OPRD1: variants seen among roughly 807,000 people sequenced by gnomAD.
OPRD1 encodes the protein opioid receptor delta 1.
In OPRD1, 19 loss-of-function variants were observed where a neutral mutation model predicts 17.5. The ratio of observed to expected loss-of-function variants is 1.09; its 90% CI spans 0.76 to 1.60. The LOEUF (loss-of-function observed/expected upper bound fraction) is 1.60, where lower values mean the gene tolerates loss of function less well. Ranked by LOEUF, OPRD1 falls within the 40% of genes most tolerant of loss-of-function variation. The pLI is 0.00. For missense variants in OPRD1, 483 were observed against 547.2 expected (o/e 0.88, Z 1.17); for synonymous variants, 256 against 240.9 (o/e 1.06, Z -0.58).
At chr1:28,824,179 C>CCCAA (rs1169377469) in intron 1 of OPRD1, among the ~76,000 whole-genome samples, 10 of 82,328 alleles carry the variant, frequency 1.2e-4, no homozygotes, top group African/African-American at 3.7e-4. Flanking sequence ...AACCTATCTC[C>CCCAA]AAAAAAAAAA....
chr1:28,855,561 G>A (rs1396022946), intron 1 of OPRD1, among the ~76,000 whole-genome samples: 2 of 152,118 alleles, frequency 1.3e-5, no homozygotes, highest in Admixed American at 1.3e-4. Context: ...AGGGGAGAGA[G>A]GGGGGCCGTG....
rs2089152825 is a variant in OPRD1, at chr1:28,864,134, G to T, written c.*851G>T. ...AAATACAAAATTAGCCAGGCATGGT[G>T]GTGTGTACCTGCAGGCCTAGCTCCT... On this transcript the variant is annotated 3_prime_UTR_variant, in exon 3 of 3. Transcript: ENST00000234961. 6.6e-6 allele frequency: 1 copy of T among 152,292 alleles called. No homozygotes were observed. Among genetic ancestry groups the T allele is most frequent in the African/African-American group, 2.4e-5 (1 of 41,408 alleles). 9.4% of individuals were successfully genotyped at this position (152,292 alleles called of 1,614,324 possible).
At chr1:28,842,492 T>C (rs964079817) in intron 1 of OPRD1, among the ~76,000 whole-genome samples, 1 of 152,226 alleles carries the variant, frequency 6.6e-6, no homozygotes, top group Admixed American at 6.5e-5. Context: ...GAATGTGGCC[T>C]GGCTGTGCCA....
intron 1 of OPRD1, among the ~76,000 whole-genome samples, chr1:28,823,158 G>A (rs1006078195): frequency 1.3e-5 from 2 of 150,910 alleles, no homozygotes; most frequent in Admixed American, 1.3e-4. Flanking sequence ...GCCAGGAAGG[G>A]TGTGTGCAGA....
intron 1 of OPRD1, among the ~76,000 whole-genome samples, chr1:28,833,598 C>T (rs1183440314): frequency 1.3e-5 from 2 of 152,160 alleles, no homozygotes; most frequent in African/African-American, 2.4e-5. Context: ...ATACTAACCA[C>T]AGCTACAAAA....
At chr1:28,847,528 C>T (rs1273216125) in intron 1 of OPRD1, among the ~76,000 whole-genome samples, 1 of 152,068 alleles carries the variant, frequency 6.6e-6, no homozygotes, top group Non-Finnish European at 1.5e-5. Flanking sequence ...TCTCTGTGGA[C>T]ATGGATACTG....
At chr1:28,846,486 C>G (rs1372291669) in intron 1 of OPRD1, among the ~76,000 whole-genome samples, 3 of 151,916 alleles carry the variant, frequency 2.0e-5, no homozygotes, top group Non-Finnish European at 4.4e-5. Context: ...AGCTGGAGAC[C>G]AGCCTGGCCA....
chr1:28,826,251 G>C (rs2088767911), intron 1 of OPRD1, among the ~76,000 whole-genome samples: 1 of 152,140 alleles, frequency 6.6e-6, no homozygotes, highest in Admixed American at 6.6e-5. Context: ...AGCTGGGTGT[G>C]CTGACTCATG....
At chr1:28,831,846 T>G (rs867565588) in intron 1 of OPRD1, among the ~76,000 whole-genome samples, 6 of 152,200 alleles carry the variant, frequency 3.9e-5, no homozygotes, top group Non-Finnish European at 7.4e-5. Context: ...CTGACCTTTT[T>G]TGGATGCTGA....
chr1:28,830,312 C>T (rs1021246488), intron 1 of OPRD1, among the ~76,000 whole-genome samples: 2 of 151,732 alleles, frequency 1.3e-5, no homozygotes, highest in Admixed American at 6.6e-5. Flanking sequence ...CGCTTGAGCC[C>T]AGGAGTTCGA....
chr1:28,846,938 T>G (rs1285197037), intron 1 of OPRD1, among the ~76,000 whole-genome samples: 1 of 150,248 alleles, frequency 6.7e-6, no homozygotes, highest in Non-Finnish European at 1.5e-5. Context: ...TCTTCCTTCC[T>G]TCCTTCCTTT....
intron 2 of OPRD1, 68 bp downstream of exon 2, chr1:28,859,371 C>A: frequency 7.3e-7 from 1 of 1,371,856 alleles, no homozygotes. Flanking sequence ...CCTTTGTGGG[C>A]TTGCAGGGCA....
chr1:28,812,501 G>C lies in OPRD1; in HGVS notation c.118G>C (p.Ala40Pro). 1 of 1,562,874 alleles carries C rather than the reference G, an allele frequency of 6.4e-7. No homozygotes were observed. The highest frequency in any genetic ancestry group is 8.6e-7 in the Non-Finnish European group (1 of 1,163,160). The change falls in exon 1 of 3, where the codon GCG becomes CCG. Residue 40 changes from alanine (A) to proline (P), a missense_variant. By Grantham distance (27) the Ala-to-Pro change is conservative. Coordinates refer to ENST00000234961, the MANE Select transcript of OPRD1 (RefSeq NM_000911.4). Reference sequence around the variant, plus strand: ...CGCCAATGCGTCGGGGCCGCCAGGCGCGCGGAGCGCCTCGTCCCTCGCCCT... The same window carrying C: ...CGCCAATGCGTCGGGGCCGCCAGGCCCGCGGAGCGCCTCGTCCCTCGCCCT... ...AGANASGPPG[A>P]RSASSLALAI...
chr1:28,834,137 C>G (rs2088830255), intron 1 of OPRD1, among the ~76,000 whole-genome samples: 1 of 152,102 alleles, frequency 6.6e-6, no homozygotes. Context: ...GTATCGAACT[C>G]CTGACCTCAG....
At chr1:28,861,117 G>C (rs1462862370) in intron 2 of OPRD1, among the ~76,000 whole-genome samples, 1 of 152,156 alleles carries the variant, frequency 6.6e-6, no homozygotes, top group African/African-American at 2.4e-5. Context: ...GAAGGTCTTG[G>C]ATTCAGTTAC....
In OPRD1 at chr1:28,839,565, G is replaced by C. The variant is rs2088879198; in HGVS notation, c.228-19389G>C. Among the ~76,000 whole-genome samples, 3 of 152,212 alleles carry C rather than the reference G, an allele frequency of 2.0e-5. No homozygotes were observed. In the South Asian group the frequency reaches 6.2e-4, roughly 32 times the overall value. The stretch of plus-strand genomic sequence containing the variant: ...TAGGCTGGAGCCGTTTGTTCAGTTT[G>C]GTTCCTGAGGTACCACAGGGTCAGT... On this transcript the variant is annotated intron_variant, in intron 1 of 2. Transcript: ENST00000234961.
intron 1 of OPRD1, among the ~76,000 whole-genome samples, chr1:28,837,603 G>T (rs1203970493): frequency 1.3e-5 from 2 of 151,904 alleles, no homozygotes; most frequent in African/African-American, 4.8e-5. Context: ...AGCCAAGATC[G>T]TGCCACTGCA....
At chr1:28,842,849 T>C (rs1306454685) in intron 1 of OPRD1, among the ~76,000 whole-genome samples, 1 of 151,976 alleles carries the variant, frequency 6.6e-6, no homozygotes, top group African/African-American at 2.4e-5. Context: ...GGAGATCACT[T>C]GAGTCCAGGA....
rs797404 is a variant in OPRD1 at position 28,847,055 on chromosome 1, G to T, written c.228-11899G>T. Among the ~76,000 whole-genome samples, 204 of 133,132 alleles carry T rather than the reference G, an allele frequency of 1.5e-3. 3 individuals are homozygous for T. The highest frequency in any genetic ancestry group is 0.012 in the Middle Eastern group (3 of 242). The allele number at this position is 133,132 out of a possible 152,430, so 87.3% of individuals were successfully genotyped here. A position where few individuals can be genotyped will look rare whatever the true frequency, so the allele number is the denominator to read the frequency against. ...TGTCCCCTTTCCTTTCCCCTTTCCT[G>T]TCCCCTTTCCTTTCCGACGGAGTTT... is the stretch of plus-strand genomic sequence containing the variant. On this transcript the variant is annotated intron_variant, in intron 1 of 2. Transcript: ENST00000234961.
Sources: gnomAD v4.1 joint callset for allele counts (sites outside exome capture counted in the v4.1 genomes callset) on GRCh38, gnomAD v4.1.1 for gene constraint, MANE v1.5 for transcripts, NCBI Gene and HGNC (gene_info 2026-07-23, HGNC 2026-07-21) for gene names.